IQGAP3: variants seen among roughly 807,000 people sequenced by gnomAD.
IQGAP3 encodes IQ motif containing GTPase activating protein 3, also known as ras GTPase-activating-like protein IQGAP3.
IQGAP3 carries 165 observed loss-of-function variants against 208.2 expected under a neutral mutation model. That is an observed-to-expected ratio of 0.79 (90% CI 0.70 to 0.90). The LOEUF (loss-of-function observed/expected upper bound fraction) is 0.90, where lower values mean the gene tolerates loss of function less well. Ranked by LOEUF, IQGAP3 falls within the 40% of genes least tolerant of loss-of-function variation. The probability of loss-of-function intolerance (pLI) is 0.00; values close to 1 mark genes in which losing one functional copy is unlikely to be tolerated. For synonymous variants in IQGAP3, 703 were observed against 803.6 expected (o/e 0.87, Z 2.12); for missense variants, 1,811 against 2,043.1 (o/e 0.89, Z 2.19).
At chr1:156,566,592 T>C in intron 2 of IQGAP3, 46 bp from the exon 3 acceptor site, 13 of 1,589,870 alleles carry the variant, frequency 8.2e-6, no homozygotes, top group Non-Finnish European at 1.1e-5. Context: ...CAGACCACAG[T>C]GATTTATTCT....
chr1:156,548,017 C>A, intron 19 of IQGAP3, 56 bp downstream of exon 19: 2 of 1,503,142 alleles, frequency 1.3e-6, no homozygotes, highest in South Asian at 1.2e-5. Context: ...AGCGTGGATA[C>A]CCTGGAGCCC....
At chr1:156,536,228 T>G (rs1355906550) in intron 27 of IQGAP3, among the ~76,000 whole-genome samples, 1 of 152,026 alleles carries the variant, frequency 6.6e-6, no homozygotes, top group Non-Finnish European at 1.5e-5. Flanking sequence ...CATTCCAGCC[T>G]GGGCAATGGA....
chr1:156,560,406 G>T (rs1038137457), intron 11 of IQGAP3, among the ~76,000 whole-genome samples: 5 of 152,150 alleles, frequency 3.3e-5, no homozygotes, highest in East Asian at 3.9e-4. Context: ...AGCTACTCGG[G>T]AGGCTGAGGC....
In IQGAP3 at chr1:156,525,582, C is replaced by A. The variant is rs1007782819; in HGVS notation, c.*904G>T. ...GGGTAAAAGAGAAAAGGGAAAGACTCCTCTTTGATCTTATGAAGCTGAAAT... is the reference window on the plus strand; with the variant it reads ...GGGTAAAAGAGAAAAGGGAAAGACTACTCTTTGATCTTATGAAGCTGAAAT... On this transcript the variant is annotated 3_prime_UTR_variant, in exon 38 of 38. Transcript: ENST00000361170. The A allele has an allele frequency of 6.6e-6, 1 of 152,330 alleles. No individual in the cohort carries two copies. Among genetic ancestry groups the A allele is most frequent in the African/African-American group, 2.4e-5 (1 of 41,334 alleles). 9.4% of individuals were successfully genotyped at this position (152,330 alleles called of 1,614,324 possible).
Position 156,535,228 on chromosome 1 carries a change from C to A in IQGAP3, c.3442G>T (p.Ala1148Ser), listed in dbSNP as rs1421238365. The A allele has an allele frequency of 1.9e-6, 3 of 1,612,686 alleles. No homozygotes were observed. The African/African-American group carries it at 4.0e-5, about 22-fold the overall frequency. The change falls in exon 28 of 38, where the codon GCC becomes TCC. Residue 1148 changes from alanine (A) to serine (S), a missense_variant. Transcript: ENST00000361170. Reference protein sequence around the residue: ...DQIPYGMRYVAKVLKATLAEK... With the variant: ...DQIPYGMRYVSKVLKATLAEK... ...GCCAGAGTTGCCTTCAGGACTTTGG[C>A]CACATATCGCATCCCATACCTGGGG...
At chr1:156,549,344 G>A (rs997510663) in intron 16 of IQGAP3, among the ~76,000 whole-genome samples, 1 of 151,822 alleles carries the variant, frequency 6.6e-6, no homozygotes, top group Non-Finnish European at 1.5e-5. Context: ...GGTGGTGGGC[G>A]CCTATAATCC....
intron 1 of IQGAP3, among the ~76,000 whole-genome samples, chr1:156,569,788 G>T (rs1557949618): frequency 6.6e-6 from 1 of 152,056 alleles, no homozygotes; most frequent in East Asian, 1.9e-4. Context: ...CAAAGTGCTG[G>T]CATTACAGGC....
At chr1:156,571,430 T>C (rs536839969) in intron 1 of IQGAP3, among the ~76,000 whole-genome samples, 2 of 152,268 alleles carry the variant, frequency 1.3e-5, no homozygotes, top group East Asian at 3.9e-4. Flanking sequence ...AGAGCTTATA[T>C]GAATGAGCAG....
At chr1:156,549,410 G>A (rs1181691861) in intron 16 of IQGAP3, among the ~76,000 whole-genome samples, 2 of 149,912 alleles carry the variant, frequency 1.3e-5, no homozygotes, top group Non-Finnish European at 2.9e-5. Context: ...GGTAGAGGTT[G>A]CAGTGAGCCA....
rs755941569 is a variant in IQGAP3 at position 156,539,819 on chromosome 1, T to C, written c.2892+19A>G. Reference sequence around the variant, plus strand: ...TCAGGAGACGGGAGAGACTTCTCCTTGGAAAGTCCTCTGCTAACCTGGAGC... The same window carrying C: ...TCAGGAGACGGGAGAGACTTCTCCTCGGAAAGTCCTCTGCTAACCTGGAGC... On this transcript the variant is annotated intron_variant, in intron 24 of 37. Transcript: ENST00000361170. 1.2e-6 allele frequency: 2 copies of C among 1,614,020 alleles called. No individual in the cohort carries two copies. Among genetic ancestry groups the C allele is most frequent in the Non-Finnish European group, 1.7e-6 (2 of 1,179,854 alleles).
intron 31 of IQGAP3, among the ~76,000 whole-genome samples, chr1:156,533,569 C>T (rs1005416964): frequency 7.2e-5 from 11 of 152,146 alleles, no homozygotes; most frequent in African/African-American, 2.7e-4. Context: ...CCATGATGAT[C>T]GTGGGTCCCT....
chr1:156,527,937 G>C lies in IQGAP3; in HGVS notation c.4782+15C>G. 6.3e-7 allele frequency: 1 copy of C among 1,575,812 alleles called. No individual in the cohort carries two copies. Among genetic ancestry groups the C allele is most frequent in the Non-Finnish European group, 8.7e-7 (1 of 1,145,210 alleles). On this transcript the variant is annotated intron_variant, in intron 37 of 37. Coordinates refer to ENST00000361170, the MANE Select transcript of IQGAP3 (RefSeq NM_178229.5). Reference sequence around the variant, plus strand: ...CCAGCAGATGTCCTGCAGGCTCATGGGACTGTCCCCTCACCTGATAGTGAA... The same window carrying C: ...CCAGCAGATGTCCTGCAGGCTCATGCGACTGTCCCCTCACCTGATAGTGAA...
Position 156,528,628 on chromosome 1 carries a change from C to T in IQGAP3, c.4572-18G>A, listed in dbSNP as rs1674228080. The T allele has an allele frequency of 6.3e-7, 1 of 1,577,778 alleles. No individual in the cohort carries two copies. Among genetic ancestry groups the T allele is most frequent in the Non-Finnish European group, 8.7e-7 (1 of 1,150,450 alleles). On this transcript the variant is annotated intron_variant, in intron 35 of 37. Coordinates refer to ENST00000361170, the MANE Select transcript of IQGAP3 (RefSeq NM_178229.5). Reference sequence around the variant, plus strand: ...CAGAACTCCTGATTAAAAGAAGGCCCCAGAGAATTCATCCAATAAACACTT... The same window carrying T: ...CAGAACTCCTGATTAAAAGAAGGCCTCAGAGAATTCATCCAATAAACACTT...
At chr1:156,532,125 G>T in intron 32 of IQGAP3, among the ~76,000 whole-genome samples, 1 of 151,786 alleles carries the variant, frequency 6.6e-6, no homozygotes, top group East Asian at 2.0e-4. Flanking sequence ...AGTGGCTCAC[G>T]CCTGTAATCC....
At chr1:156,541,567 C>T (rs371805541) in intron 22 of IQGAP3, among the ~76,000 whole-genome samples, 2 of 152,152 alleles carry the variant, frequency 1.3e-5, no homozygotes, top group Non-Finnish European at 2.9e-5. Context: ...TGAGACAGAA[C>T]CTGTTCTAAG....
In IQGAP3 at chr1:156,531,182, G is replaced by A. The variant is rs1674378908; in HGVS notation, c.4169C>T (p.Ser1390Phe). ...CACTTGCTCTCTGGAAGCCGAGAGGGACAGGATCTCCTTGAGGGTGTCCCC... is the reference window on the plus strand; with the variant it reads ...CACTTGCTCTCTGGAAGCCGAGAGGAACAGGATCTCCTTGAGGGTGTCCCC... ...HPGDTLKEIL[S>F]LSASREQEAA... Residue 1390 changes from serine to phenylalanine, a missense_variant, in exon 33 of 38, where the codon TCC becomes TTC. Physicochemically the swap from Ser to Phe is radical, Grantham distance 155. Coordinates refer to ENST00000361170, the MANE Select transcript of IQGAP3 (RefSeq NM_178229.5). 2.5e-6 allele frequency: 4 copies of A among 1,613,744 alleles called. No homozygotes were observed. Among genetic ancestry groups the A allele is most frequent in the Non-Finnish European group, 3.4e-6 (4 of 1,179,722 alleles).
At position 156,531,203 on chromosome 1, in the gene IQGAP3, TC is replaced by T. The variant is rs1674380157; in HGVS notation, c.4147del (p.Asp1383ThrfsTer22). On this transcript the variant is annotated frameshift_variant, in exon 33 of 38. Transcript: ENST00000361170. LOFTEE classifies it high-confidence loss of function. Reference protein sequence around the residue: ...LADIIQFHPGDTLKEILSLSA... With the variant: ...LADIIQFHPGXTLKEILSLSA... ...GAGGGACAGGATCTCCTTGAGGGTG[TC>T]CCCAGGATGGAACTGTATGATATCG... is the stretch of plus-strand genomic sequence containing the variant. The T allele has an allele frequency of 6.2e-7, 1 of 1,613,696 alleles. No individual in the cohort carries two copies. The highest frequency in any genetic ancestry group is 8.5e-7 in the Non-Finnish European group (1 of 1,179,910).
At position 156,551,773 on chromosome 1, in the gene IQGAP3, C is replaced by A. The variant is rs200280442; in HGVS notation, c.1666G>T (p.Asp556Tyr). Residue 556 changes from aspartate to tyrosine, a missense_variant, in exon 15 of 38, where the codon GAT becomes TAT. Asp to Tyr is a radical substitution (Grantham distance 160). Transcript: ENST00000361170. ...CGAGGGGCGACAGGGAGGCTGACAT[C>A]ATCTAGGCCAGCTGCAGGAAGCAGT... ...ALLLPAAGLDDVSLPVAPRYH... is the reference protein window; with the variant it reads ...ALLLPAAGLDYVSLPVAPRYH... 7.4e-5 allele frequency: 120 copies of A among 1,614,048 alleles called. No homozygotes were observed. Among genetic ancestry groups the A allele is most frequent in the Admixed American group, 4.5e-4 (27 of 59,984 alleles).
At chr1:156,541,776 AT>A (rs943347701) in intron 22 of IQGAP3, among the ~76,000 whole-genome samples, 5 of 152,222 alleles carry the variant, frequency 3.3e-5, no homozygotes, top group African/African-American at 1.2e-4. Context: ...AACTAGACAA[AT>A]AAACCACAAT....
Sources: allele counts gnomAD v4.1 joint callset (sites outside exome capture counted in the v4.1 genomes callset), GRCh38; gene constraint gnomAD v4.1.1; transcripts MANE v1.5; gene names NCBI Gene and HGNC (gene_info 2026-07-23, HGNC 2026-07-21).